The following CYLC2 variants were observed in gnomAD, a reference collection of about 807,000 sequenced individuals.
The protein encoded by CYLC2 is cylicin 2.
CYLC2 carries 30 observed loss-of-function variants against 26.1 expected under a neutral mutation model. The observed-to-expected ratio is 1.15, with a 90% CI of 0.86 to 1.56. The LOEUF is 1.56. CYLC2 is among the 40% of genes most tolerant of loss of function. The pLI, the probability that CYLC2 is intolerant of heterozygous loss-of-function variation, is 0.00. For missense variants in CYLC2, 498 were observed against 394.4 expected, an observed-to-expected ratio of 1.26 and a Z score of -2.23; for synonymous variants, 158 against 132.8, an observed-to-expected ratio of 1.19 and a Z score of -1.31.
intron 3 of CYLC2, among the ~76,000 whole-genome samples, chr9:103,004,399 C>T (rs1358436954): frequency 6.6e-6 from 1 of 151,944 alleles, no homozygotes; most frequent in African/African-American, 2.4e-5. Context: ...GTTTAAAAAG[C>T]CTCCTATGAT....
chr9:103,006,733 C>T (rs921893345), intron 5 of CYLC2, among the ~76,000 whole-genome samples: 6 of 152,038 alleles, frequency 3.9e-5, no homozygotes, highest in African/African-American at 1.4e-4. Flanking sequence ...TTATTTTAAG[C>T]CAGATTGAAT....
chr9:103,003,413 G>C lies in CYLC2; in HGVS notation c.180+150G>C, dbSNP rs992211339. ...ATAGTTGTATGTGTTATAGATCAAA[G>C]CTGACCAACAAGTTTCTGCAATGAT... On this transcript the variant is annotated intron_variant, in intron 3 of 7. Transcript: ENST00000374798. 7.2e-5 allele frequency: 48 copies of C among 665,630 alleles called. No individual in the cohort carries two copies. In the African/African-American group the frequency reaches 7.8e-4, roughly 11 times the overall value. The allele number at this position is 665,630 out of a possible 1,614,324, so 41.2% of individuals were successfully genotyped here.
Position 103,005,583 on chromosome 9 carries a change from G to A in CYLC2, c.952G>A (p.Asp318Asn). The part of the protein sequence containing the change: ...TEKESADSKK[D>N]AKKNAKKDAK... ...GAAAGAATCTGCTGATTCAAAGAAG[G>A]ATGCAAAGAAAAATGCTAAGAAGGA... The change falls in exon 5 of 8, where the codon GAT becomes AAT. Residue 318 changes from aspartate to asparagine, a missense_variant. Transcript: ENST00000374798. 1 of 1,609,526 alleles carries A rather than the reference G, an allele frequency of 6.2e-7. No homozygotes were observed. Among genetic ancestry groups the A allele is most frequent in the Non-Finnish European group, 8.5e-7 (1 of 1,177,116 alleles).
intron 6 of CYLC2, among the ~76,000 whole-genome samples, chr9:103,015,080 TATACATAACATGTATATC>T (rs1829482369): frequency 1.8e-5 from 2 of 112,394 alleles, no homozygotes; most frequent in African/African-American, 6.6e-5. Flanking sequence ...ATACATGTAA[TATACATAACATGTATATC>T]ACGTGATATA....
intron 6 of CYLC2, among the ~76,000 whole-genome samples, chr9:103,013,284 A>C (rs1829434698): frequency 1.0e-5 from 1 of 95,916 alleles, no homozygotes; most frequent in East Asian, 3.1e-4. Context: ...TATATAACAC[A>C]TTAAATATAT....
intron 6 of CYLC2, among the ~76,000 whole-genome samples, chr9:103,014,592 T>A (rs1829470882): frequency 6.9e-6 from 1 of 144,496 alleles, no homozygotes; most frequent in Non-Finnish European, 1.5e-5. Flanking sequence ...ACATCATATG[T>A]ATATTATGCA....
intron 6 of CYLC2, among the ~76,000 whole-genome samples, chr9:103,013,631 GATAT>G (rs1184658712): frequency 9.3e-6 from 1 of 107,202 alleles, no homozygotes; most frequent in Non-Finnish European, 1.7e-5. Flanking sequence ...ATGTTATATA[GATAT>G]ATATTTATAT....
At chr9:103,013,238 AC>A (rs1829432175) in intron 6 of CYLC2, among the ~76,000 whole-genome samples, 1 of 103,044 alleles carries the variant, frequency 9.7e-6, no homozygotes, top group Non-Finnish European at 1.8e-5. Context: ...TAAACATATA[AC>A]ATGTAAATAT....
intron 1 of CYLC2, among the ~76,000 whole-genome samples, chr9:102,997,544 G>T (rs1829250072): frequency 6.6e-6 from 1 of 151,944 alleles, no homozygotes; most frequent in South Asian, 2.1e-4. Context: ...AGAAGCTCAG[G>T]CTGCAGTCAG....
chr9:103,012,936 G>A (rs1829423569), intron 6 of CYLC2, among the ~76,000 whole-genome samples: 2 of 150,004 alleles, frequency 1.3e-5, no homozygotes, highest in African/African-American at 2.4e-5. Flanking sequence ...TTGGCATTCG[G>A]AAAAAAAGTT....
At chr9:103,003,938 T>C (rs1267414185) in intron 3 of CYLC2, among the ~76,000 whole-genome samples, 1 of 152,112 alleles carries the variant, frequency 6.6e-6, no homozygotes, top group African/African-American at 2.4e-5. Flanking sequence ...CAAAGAAAAG[T>C]TTTCACAAAA....
chr9:102,995,821 C>T (rs1829231326), intron 1 of CYLC2, among the ~76,000 whole-genome samples: 1 of 151,786 alleles, frequency 6.6e-6, no homozygotes, highest in Non-Finnish European at 1.5e-5. Flanking sequence ...CAGTGTTAAC[C>T]TTTAGTAAAA....
At chr9:103,009,558 C>T (rs1406543285) in intron 5 of CYLC2, among the ~76,000 whole-genome samples, 1 of 151,978 alleles carries the variant, frequency 6.6e-6, no homozygotes, top group Non-Finnish European at 1.5e-5. Context: ...AAGATTTATC[C>T]TTTGTGTTAA....
intron 3 of CYLC2, 60 bp downstream of exon 3, chr9:103,003,323 AAC>A (rs1829307865): frequency 3.5e-6 from 5 of 1,417,146 alleles, no homozygotes; most frequent in Non-Finnish European, 4.9e-6. Flanking sequence ...TAATAATTAT[AAC>A]CATAATAAGT....
At chr9:103,013,868 A>C (rs1463813800) in intron 6 of CYLC2, among the ~76,000 whole-genome samples, 2 of 113,508 alleles carry the variant, frequency 1.8e-5, no homozygotes, top group Admixed American at 1.1e-4. Context: ...TATATATTAT[A>C]TATTATACAT....
At chr9:103,000,441 T>C (rs536861996) in intron 1 of CYLC2, among the ~76,000 whole-genome samples, 2 of 152,208 alleles carry the variant, frequency 1.3e-5, no homozygotes, top group South Asian at 4.1e-4. Context: ...TTCATAATCA[T>C]TGTTGGGTAT....
intron 1 of CYLC2, among the ~76,000 whole-genome samples, chr9:102,999,709 C>T (rs751521165): frequency 1.3e-5 from 2 of 151,588 alleles, no homozygotes; most frequent in South Asian, 4.1e-4. Context: ...AATTATTCTG[C>T]ATATACTGAA....
chr9:103,001,511 A>C (rs1564096615), intron 1 of CYLC2, 67 bp from the exon 2 acceptor site: 1 of 962,548 alleles, frequency 1.0e-6, no homozygotes, highest in Non-Finnish European at 1.6e-6. Context: ...CTGGAGTAAA[A>C]TAATGACAGT....
chr9:103,010,805 A>C (rs1829399196), intron 5 of CYLC2: 1 of 148,286 alleles, frequency 6.7e-6, no homozygotes, highest in Admixed American at 6.6e-5. Flanking sequence ...GTGTCTGCTC[A>C]GTAAGTATTG....
Sources: gnomAD v4.1 joint callset for allele counts (sites outside exome capture counted in the v4.1 genomes callset) on GRCh38, gnomAD v4.1.1 for gene constraint, MANE v1.5 for transcripts, NCBI Gene and HGNC (gene_info 2026-07-23, HGNC 2026-07-21) for gene names.